The following PCDHGA3 variants were observed in gnomAD, a reference collection of about 807,000 sequenced individuals.
PCDHGA3 encodes the protein protocadherin gamma-A3.
A neutral mutation model predicts 58.5 loss-of-function variants in PCDHGA3; 40 were observed. That is an observed-to-expected ratio of 0.68 (90% CI 0.53 to 0.89). PCDHGA3 has a LOEUF of 0.89. Ranked by LOEUF, PCDHGA3 falls within the 40% of genes least tolerant of loss-of-function variation. The pLI is 0.00. For synonymous variants in PCDHGA3, 530 were observed against 525.7 expected, an observed-to-expected ratio of 1.01 and a Z score of -0.11; for missense variants, 1,223 against 1,195.9, an observed-to-expected ratio of 1.02 and a Z score of -0.33.
chr5:141,434,789 T>C (rs2097718008), intron 1 of PCDHGA3, among the ~76,000 whole-genome samples: 1 of 152,008 alleles, frequency 6.6e-6, no homozygotes, highest in African/African-American at 2.4e-5. Context: ...AAAAAATTTT[T>C]TTTTCTGAGC....
intron 1 of PCDHGA3, chr5:141,413,762 C>A: frequency 1.2e-6 from 2 of 1,612,894 alleles, no homozygotes; most frequent in Non-Finnish European, 8.5e-7. Flanking sequence ...GTCAAGTACC[C>A]GGAGCTGGTA....
At chr5:141,409,596 A>G in intron 1 of PCDHGA3, 1 of 1,613,714 alleles carries the variant, frequency 6.2e-7, no homozygotes, top group Non-Finnish European at 8.5e-7. Flanking sequence ...GCCGAGAACA[A>G]CCCGCCAGGA....
intron 1 of PCDHGA3, among the ~76,000 whole-genome samples, chr5:141,483,084 C>CA (rs898059463): frequency 8.0e-5 from 12 of 150,326 alleles, no homozygotes; most frequent in Admixed American, 2.0e-4. Context: ...GACTCCATCT[C>CA]AAAAAAAAAG....
intron 1 of PCDHGA3, chr5:141,366,686 G>A (rs200958152): frequency 5.3e-5 from 86 of 1,614,138 alleles, no homozygotes; most frequent in Non-Finnish European, 6.8e-6. Flanking sequence ...AGAGAGCTGT[G>A]AGAAAAGCGA....
In PCDHGA3 at chr5:141,497,558, TA is replaced by T. The variant is rs543126612; in HGVS notation, c.2483+2694del. 6.7e-3 allele frequency among the ~76,000 whole-genome samples: 979 copies of T among 145,038 alleles called. 16 individuals carry two copies. Among genetic ancestry groups the T allele is most frequent in the African/African-American group, 0.024 (931 of 38,872 alleles). On this transcript the variant is annotated intron_variant, in intron 2 of 3. Coordinates refer to ENST00000253812, the MANE Select transcript of PCDHGA3 (RefSeq NM_018916.4). The stretch of plus-strand genomic sequence containing the variant: ...AACAAACCTTTTTTTTTTTTTTTTT[TA>T]GACAGAGTCTTGCTCTGTTGCCCAA...
At chr5:141,399,933 C>T in intron 1 of PCDHGA3, 5 of 1,612,358 alleles carry the variant, frequency 3.1e-6, no homozygotes, top group Non-Finnish European at 1.7e-6. Context: ...GGCTGTCCTA[C>T]CACGTGCTGC....
In PCDHGA3 at chr5:141,415,645, A is replaced by T. The variant is rs200555070; in HGVS notation, c.2424+69188A>T. On this transcript the variant is annotated intron_variant, in intron 1 of 3. Transcript: ENST00000253812. The stretch of plus-strand genomic sequence containing the variant: ...TATTTTCATTTTTACTTTTGTTAAA[A>T]AAAAAAAGATTGGTTTTTACTTTGA... The T allele has an allele frequency of 3.5e-3, 5,682 of 1,600,720 alleles. 22 individuals carry two copies. The highest frequency in any genetic ancestry group is 5.0e-3 in the Middle Eastern group (30 of 6,044).
At chr5:141,411,895 A>G (rs945335839) in intron 1 of PCDHGA3, 1 of 152,254 alleles carries the variant, frequency 6.6e-6, no homozygotes, top group Non-Finnish European at 1.5e-5. Context: ...TAAATGAAAT[A>G]CTATTGCCTT....
intron 1 of PCDHGA3, chr5:141,364,295 A>G: frequency 6.6e-7 from 1 of 1,520,404 alleles, no homozygotes; most frequent in South Asian, 1.3e-5. Context: ...AGCAGGCTGA[A>G]CCAGAACTAA....
chr5:141,427,319 G>T (rs1184530487), intron 1 of PCDHGA3: 4 of 456,958 alleles, frequency 8.8e-6, no homozygotes, highest in African/African-American at 8.0e-5. Flanking sequence ...CCCCAGACGT[G>T]GTTTTTACTT....
At chr5:141,384,149 T>G (rs1361199282) in intron 1 of PCDHGA3, 1 of 1,613,252 alleles carries the variant, frequency 6.2e-7, no homozygotes, top group Non-Finnish European at 8.5e-7. Flanking sequence ...ACACTCTCTT[T>G]GTATAACATC....
intron 1 of PCDHGA3, among the ~76,000 whole-genome samples, chr5:141,448,043 G>A (rs1000669754): frequency 3.3e-5 from 5 of 151,870 alleles, no homozygotes; most frequent in African/African-American, 1.2e-4. Context: ...CCAAGATCAT[G>A]CCATTGCTCT....
intron 1 of PCDHGA3, among the ~76,000 whole-genome samples, chr5:141,373,452 G>A (rs1032272285): frequency 6.6e-6 from 1 of 152,218 alleles, no homozygotes; most frequent in South Asian, 2.1e-4. Context: ...GATCCCAGGA[G>A]GTAGCAGCTG....
In PCDHGA3 at chr5:141,486,709, C is replaced by G. The variant is rs1485764871; in HGVS notation, c.2425-8098C>G. ...CTTCCTCTTTCATCTCTCTGAACCC[C>G]CAGACAGGAGCTGTTCATGCTACTC... On this transcript the variant is annotated intron_variant, in intron 1 of 3. Coordinates refer to ENST00000253812, the MANE Select transcript of PCDHGA3 (RefSeq NM_018916.4). The surrounding 1 kb of genome is among the most constrained non-coding windows in gnomAD (Gnocchi z 5.0). 1 of 1,614,182 alleles carries G rather than the reference C, an allele frequency of 6.2e-7. No individual in the cohort carries two copies. Among genetic ancestry groups the G allele is most frequent in the Middle Eastern group, 1.6e-4 (1 of 6,062 alleles).
At chr5:141,467,582 TGCCATTTATTAA>T (rs2099146610) in intron 1 of PCDHGA3, among the ~76,000 whole-genome samples, 2 of 152,216 alleles carry the variant, frequency 1.3e-5, no homozygotes, top group Non-Finnish European at 1.5e-5. Context: ...GTTGTCCCAA[TGCCATTTATTAA>T]GCACTTCATC....
At chr5:141,360,280 A>T (rs1761513313) in intron 1 of PCDHGA3, 1 of 1,613,856 alleles carries the variant, frequency 6.2e-7, no homozygotes, top group African/African-American at 1.3e-5. Context: ...GGTCGTAGGA[A>T]ACCTCGCCAA....
chr5:141,409,217 G>T (rs1394491727), intron 1 of PCDHGA3: 3 of 1,613,852 alleles, frequency 1.9e-6, no homozygotes, highest in Non-Finnish European at 2.5e-6. Flanking sequence ...AGAAATCCTT[G>T]ATGAAAACGA....
intron 1 of PCDHGA3, chr5:141,374,774 A>G: frequency 6.2e-7 from 1 of 1,613,822 alleles, no homozygotes; most frequent in Non-Finnish European, 8.5e-7. Context: ...AATTCTGGTA[A>G]CAGTTCTAGA....
chr5:141,390,199 G>A (rs753440941), intron 1 of PCDHGA3: 2 of 1,614,054 alleles, frequency 1.2e-6, no homozygotes, highest in South Asian at 2.2e-5. Context: ...GAGCAGTTGA[G>A]TTCAGGACAA....
Sources: gnomAD v4.1 joint callset for allele counts (sites outside exome capture counted in the v4.1 genomes callset) on GRCh38, gnomAD v4.1.1 for gene constraint, Gnocchi (gnomAD v3.1) non-coding constraint, MANE v1.5 for transcripts, NCBI Gene and HGNC (gene_info 2026-07-23, HGNC 2026-07-21) for gene names.